The following TBL3 variants were observed in gnomAD, a reference collection of about 807,000 sequenced individuals.
TBL3 encodes the protein transducin beta like 3, also known as transducin beta-like protein 3.
A neutral mutation model predicts 102.7 loss-of-function variants in TBL3; 71 were observed. That is an observed-to-expected ratio of 0.69 (90% CI 0.57 to 0.84). The LOEUF (loss-of-function observed/expected upper bound fraction) is 0.84. Among genes scored for constraint, TBL3 ranks in the 40% least tolerant of loss-of-function variants. The probability of loss-of-function intolerance (pLI) is 0.00; values close to 1 mark genes in which losing one functional copy is unlikely to be tolerated. For missense variants in TBL3, 1,188 were observed against 1,098.5 expected, an observed-to-expected ratio of 1.08 and a Z score of -1.15; for synonymous variants, 578 against 477.7, an observed-to-expected ratio of 1.21 and a Z score of -2.74.
Position 1,974,282 on chromosome 16 carries a change from G to T in TBL3, c.179G>T (p.Ser60Ile). ...GTGGCCTCGGGGGCCGTGCTGCGGA[G>T]TCTGGAGCAGGTGAGGGCAGCCTGG... ...LEVASGAVLR[S>I]LEQEDQEDIT... Residue 60 changes from serine to isoleucine, a missense_variant, in exon 3 of 22, where the codon AGT becomes ATT. Physicochemically the swap from Ser to Ile is moderately radical, Grantham distance 142. Coordinates refer to ENST00000568546, the MANE Select transcript of TBL3 (RefSeq NM_006453.3). 6.3e-7 allele frequency: 1 copy of T among 1,595,434 alleles called. No homozygotes were observed. Among genetic ancestry groups the T allele is most frequent in the Non-Finnish European group, 8.6e-7 (1 of 1,169,376 alleles).
intron 16 of TBL3, 43 bp from the exon 17 acceptor site, chr16:1,977,471 G>A (rs1567326270): frequency 1.2e-6 from 2 of 1,608,870 alleles, no homozygotes; most frequent in Non-Finnish European, 1.7e-6. Flanking sequence ...GGGGTGGCGG[G>A]GGGACCTGCC....
chr16:1,977,468 C>CGGGGTGGGTGGGGGGGGGGGG, intron 16 of TBL3, 42 bp downstream of exon 16: 1 of 568,450 alleles, frequency 1.8e-6, no homozygotes, highest in Non-Finnish European at 3.1e-6. Context: ...TGGGGGGTGG[C>CGGGGTGGGTGGGGGGGGGGGG]GGGGGGACCT....
rs1247259165 is a variant in TBL3 at position 1,977,542 on chromosome 16, A to G, written c.1771A>G (p.Thr591Ala). 6.2e-7 allele frequency: 1 copy of G among 1,601,896 alleles called. No individual in the cohort carries two copies. The highest frequency in any genetic ancestry group is 1.7e-5 in the Admixed American group (1 of 58,886). The part of the protein sequence containing the change: ...SGSDGLVKLW[T>A]IKNNECVRTL... ...TTCGGATGGCCTCGTGAAGCTCTGG[A>G]CCATCAAGAACAACGAGTGTGTGCG... The change falls in exon 17 of 22, where the codon ACC (threonine) becomes GCC (alanine). Residue 591 changes from threonine to alanine, a missense_variant. Coordinates refer to ENST00000568546, the MANE Select transcript of TBL3 (RefSeq NM_006453.3).
chr16:1,979,868 C>T lies in TBL3; in HGVS notation c.*1183C>T. On this transcript the variant is annotated 3_prime_UTR_variant, in exon 22 of 22. Transcript: ENST00000568546. The stretch of plus-strand genomic sequence containing the variant: ...TCCAGGTAGGGCGCTGGAAACCAGG[C>T]GGTCTGCCGGTCTTCGTTCTCCACC... The T allele has an allele frequency of 1.9e-6, 3 of 1,580,538 alleles. No individual in the cohort carries two copies. The highest frequency in any genetic ancestry group is 1.8e-5 in the Admixed American group (1 of 55,448).
At position 1,975,002 on chromosome 16, in the gene TBL3, G is replaced by C; in HGVS notation, c.539G>C (p.Trp180Ser). The C allele has an allele frequency of 6.2e-7, 1 of 1,607,436 alleles. No homozygotes were observed. Among genetic ancestry groups the C allele is most frequent in the Non-Finnish European group, 8.5e-7 (1 of 1,179,970 alleles). Residue 180 changes from tryptophan (W) to serine (S), a missense_variant, in exon 7 of 22, where the codon TGG becomes TCG. By Grantham distance (177) the Trp-to-Ser change is radical. Transcript: ENST00000568546. ...GCCACGGATGCCGCCATCCGCGTGT[G>C]GTCACTGCAGGACCGGTCATGCCTG... is the stretch of plus-strand genomic sequence containing the variant. ...SSATDAAIRV[W>S]SLQDRSCLAV...
Position 1,979,556 on chromosome 16 carries a change from G to A in TBL3, c.*871G>A, listed in dbSNP as rs907556416. On this transcript the variant is annotated 3_prime_UTR_variant, in exon 22 of 22. Transcript: ENST00000568546. ...AGAACTGGGGACCTGGTGGGAGTGGGTGTTTGGAGTCACCGCGGGGCCACA... is the reference window on the plus strand; with the variant it reads ...AGAACTGGGGACCTGGTGGGAGTGGATGTTTGGAGTCACCGCGGGGCCACA... 14 of 1,595,854 alleles carry A rather than the reference G, an allele frequency of 8.8e-6. No homozygotes were observed. The highest frequency in any genetic ancestry group is 2.7e-5 in the African/African-American group (2 of 74,514).
rs140855729 is a variant in TBL3 at position 1,975,681 on chromosome 16, G to A, written c.958G>A (p.Glu320Lys). The A allele has an allele frequency of 6.8e-6, 11 of 1,610,902 alleles. No homozygotes were observed. In the African/African-American group the frequency reaches 8.0e-5, roughly 12 times the overall value. ...ATADHNLLLY[E>K]ARSLRLQKQF... The stretch of plus-strand genomic sequence containing the variant: ...CGCCGACCACAACCTGTTGCTCTAC[G>A]AGGCTCGCTCCCTGCGGCTGCAGAA... The change falls in exon 10 of 22, where the codon GAG becomes AAG. Residue 320 changes from glutamate (E) to lysine (K), a missense_variant. Coordinates refer to ENST00000568546, the MANE Select transcript of TBL3 (RefSeq NM_006453.3).
intron 13 of TBL3, 121 bp from the exon 14 acceptor site, chr16:1,976,693 C>T: frequency 1.6e-6 from 2 of 1,256,830 alleles, no homozygotes; most frequent in Non-Finnish European, 2.2e-6. Context: ...CCAGGCCAAC[C>T]CGCATCCTGG....
chr16:1,977,556 C>T lies in TBL3; in HGVS notation c.1785C>T (p.Asn595=), dbSNP rs757059723. 13 of 1,595,368 alleles carry T rather than the reference C, an allele frequency of 8.1e-6. No homozygotes were observed. Among genetic ancestry groups the T allele is most frequent in the Non-Finnish European group, 1.0e-5 (12 of 1,170,518 alleles). The stretch of plus-strand genomic sequence containing the variant: ...TGAAGCTCTGGACCATCAAGAACAA[C>T]GAGTGTGTGCGGACGCTGGATGCCC... The part of the protein sequence containing the change: ...GLVKLWTIKN[N]ECVRTLDAHE... Residue 595 remains asparagine (N), a synonymous_variant, in exon 17 of 22, where the codon AAC becomes AAT. Transcript: ENST00000568546.
chr16:1,981,337 C>T lies in TBL3; in HGVS notation c.*2652C>T. ...CCTTGTGGAGCCGCCCCAGCTGAGT[C>T]CTTTGCAGCTTTCTTGCTGTCCCCC... On this transcript the variant is annotated 3_prime_UTR_variant, in exon 22 of 22. Transcript: ENST00000568546. 1.4e-6 allele frequency: 2 copies of T among 1,437,802 alleles called. No individual in the cohort carries two copies. The highest frequency in any genetic ancestry group is 2.5e-5 in the East Asian group (1 of 40,018). The allele number at this position is 1,437,802 out of a possible 1,614,324, so 89.1% of individuals were successfully genotyped here.
In TBL3 at chr16:1,980,091, G is replaced by C; in HGVS notation, c.*1406G>C. On this transcript the variant is annotated 3_prime_UTR_variant, in exon 22 of 22. Transcript: ENST00000568546. ...CCTGGGTACAGAAGGGCTGCAGGCA[G>C]CGCAGGCTCTGAGCCTCCAGACTGT... is the stretch of plus-strand genomic sequence containing the variant. 6.2e-7 allele frequency: 1 copy of C among 1,607,624 alleles called. No homozygotes were observed. Among genetic ancestry groups the C allele is most frequent in the Non-Finnish European group, 8.5e-7 (1 of 1,178,606 alleles).
At chr16:1,972,912 G>A (rs1235879100) in intron 1 of TBL3, among the ~76,000 whole-genome samples, 3 of 152,176 alleles carry the variant, frequency 2.0e-5, no homozygotes, top group African/African-American at 7.2e-5. Context: ...CATCTGGGAA[G>A]AGAAGCCCAG....
intron 4 of TBL3, 53 bp downstream of exon 4, chr16:1,974,476 T>C (rs1263403927): frequency 6.3e-7 from 1 of 1,588,252 alleles, no homozygotes; most frequent in Non-Finnish European, 8.6e-7. Flanking sequence ...CCTCCCAGAC[T>C]GAGTCCAGGA....
chr16:1,974,833 G>T lies in TBL3; in HGVS notation c.450G>T (p.Ser150=). The T allele has an allele frequency of 6.2e-7, 1 of 1,613,164 alleles. No homozygotes were observed. The highest frequency in any genetic ancestry group is 8.5e-7 in the Non-Finnish European group (1 of 1,179,966). The change falls in exon 6 of 22, where the codon TCG becomes TCT. Residue 150 remains serine (S), a synonymous_variant. Transcript: ENST00000568546. ...RHYGTHHFRG[S]PGVVHLVAFH... ...ACGGGACACACCACTTCCGAGGCTC[G>T]CCCGGTGTCGTGCAGTGAGTTGGAA...
At position 1,974,818 on chromosome 16, in the gene TBL3, C is replaced by G; in HGVS notation, c.435C>G (p.His145Gln). The G allele has an allele frequency of 6.2e-7, 1 of 1,613,404 alleles. No homozygotes were observed. The highest frequency in any genetic ancestry group is 8.5e-7 in the Non-Finnish European group (1 of 1,179,992). The change falls in exon 6 of 22, where the codon CAC (histidine) becomes CAG (glutamine). Residue 145 changes from histidine to glutamine, a missense_variant. Physicochemically the swap from His to Gln is conservative, Grantham distance 24. Transcript: ENST00000568546. ...ACATCGTGCGGCACTACGGGACACA[C>G]CACTTCCGAGGCTCGCCCGGTGTCG... ...VWDIVRHYGT[H>Q]HFRGSPGVVH...
At chr16:1,973,320 TC>T (rs1337365249) in intron 1 of TBL3, among the ~76,000 whole-genome samples, 2 of 148,434 alleles carry the variant, frequency 1.3e-5, no homozygotes, top group Non-Finnish European at 3.0e-5. Context: ...TCCCAGCTAC[TC>T]GGAGAGGCTG....
chr16:1,978,716 A>G lies in TBL3; in HGVS notation c.*31A>G. On this transcript the variant is annotated 3_prime_UTR_variant, in exon 22 of 22. Transcript: ENST00000568546. ...CCGGCCTCTCTCCAGTCCATCCTGA[A>G]CCCCTGGAAAACCCATAAAGGCCGC... 5.7e-6 allele frequency: 9 copies of G among 1,589,720 alleles called. No homozygotes were observed. Among genetic ancestry groups the G allele is most frequent in the Non-Finnish European group, 6.9e-6 (8 of 1,163,262 alleles).
At chr16:1,978,526 C>G in intron 21 of TBL3, 26 bp from the exon 22 acceptor site, 2 of 1,593,974 alleles carry the variant, frequency 1.3e-6, no homozygotes, top group Non-Finnish European at 1.7e-6. Context: ...GGACCACCCC[C>G]CTGACCTCCC....
Position 1,975,241 on chromosome 16 carries a change from G to A in TBL3, c.690G>A (p.Thr230=), listed in dbSNP as rs540383397. 89 of 1,613,890 alleles carry A rather than the reference G, an allele frequency of 5.5e-5. No homozygotes were observed. The highest frequency in any genetic ancestry group is 1.1e-4 in the African/African-American group (8 of 75,028). The change falls in exon 8 of 22, where the codon ACG becomes ACA. Residue 230 remains threonine (T), a synonymous_variant. Coordinates refer to ENST00000568546, the MANE Select transcript of TBL3 (RefSeq NM_006453.3). ...IIWDLQSCQA[T]RTVPVFESVE... ...GGGACCTTCAGAGCTGCCAGGCCAC[G>A]AGGACCGTGCCTGTGTTTGAGGTGG...
Sources: allele counts gnomAD v4.1 joint callset (sites outside exome capture counted in the v4.1 genomes callset), GRCh38; gene constraint gnomAD v4.1.1; transcripts MANE v1.5; gene names NCBI Gene and HGNC (gene_info 2026-07-23, HGNC 2026-07-21).